Variants in SGSM1 observed in about 807,000 individuals in gnomAD.
SGSM1 encodes RUN and TBC1 domain containing 2.
In SGSM1, 73 loss-of-function variants were observed where a neutral mutation model predicts 133.8. The observed-to-expected ratio is 0.55, with a 90% confidence interval of 0.45 to 0.66. The LOEUF is 0.66. Among genes scored for constraint, SGSM1 ranks in the 30% least tolerant of loss-of-function variants. SGSM1 has a pLI of 0.00. For synonymous variants in SGSM1, 563 were observed against 573.0 expected (o/e 0.98, Z 0.25); for missense variants, 1,213 against 1,448.1 (o/e 0.84, Z 2.64).
At chr22:24,820,818 G>A (rs531630400) in intron 2 of SGSM1, among the ~76,000 whole-genome samples, 6 of 152,352 alleles carry the variant, frequency 3.9e-5, no homozygotes, top group Admixed American at 3.9e-4. Flanking sequence ...CAACAGGTGA[G>A]ATCCCTGCCT....
rs1930707871 is a variant in SGSM1, at chr22:24,855,369, G to A, written c.608G>A (p.Arg203Lys). The A allele has an allele frequency of 2.5e-6, 4 of 1,613,570 alleles. No individual in the cohort carries two copies. Among genetic ancestry groups the A allele is most frequent in the African/African-American group, 1.3e-5 (1 of 74,878 alleles). ...TDPSADELVQ[R>K]HRIHSSHVRQ... ...CCCTCGGCTGACGAACTTGTCCAGA[G>A]GCACCGCATCCACAGCTCCCACGTG... The change falls in exon 7 of 25, where the codon AGG becomes AAG. Residue 203 changes from arginine (R) to lysine (K), a missense_variant. Coordinates refer to ENST00000400358, the MANE Select transcript of SGSM1 (RefSeq NM_001098497.3).
Position 24,868,777 on chromosome 22 carries a change from A to G in SGSM1, c.1213A>G (p.Thr405Ala). 6.2e-7 allele frequency: 1 copy of G among 1,614,036 alleles called. No individual in the cohort carries two copies. Among genetic ancestry groups the G allele is most frequent in the African/African-American group, 1.3e-5 (1 of 75,056 alleles). ...KRSPQGSAES[T>A]SSDKDDDEAT... ...AAGCCCTCAGGGTTCTGCCGAGTCCACATCTTCAGACAAAGATGATGATGA... is the reference window on the plus strand; with the variant it reads ...AAGCCCTCAGGGTTCTGCCGAGTCCGCATCTTCAGACAAAGATGATGATGA... Residue 405 changes from threonine (T) to alanine (A), a missense_variant, in exon 12 of 25, where the codon ACA becomes GCA. By Grantham distance (58) the Thr-to-Ala change is moderately conservative. Coordinates refer to ENST00000400358, the MANE Select transcript of SGSM1 (RefSeq NM_001098497.3).
chr22:24,845,975 T>C lies in SGSM1; in HGVS notation c.139+1003T>C, dbSNP rs188305073. Among the ~76,000 whole-genome samples, 31 of 146,586 alleles carry C rather than the reference T, an allele frequency of 2.1e-4. 1 individual carries two copies. The highest frequency in any genetic ancestry group is 6.2e-4 in the Admixed American group (9 of 14,626). ...TTTCTTTCTTTCTTTCTTTCTTTCT[T>C]TCTTTCTTTCTTTCTTTCTTTCTTT... On this transcript the variant is annotated intron_variant, in intron 3 of 24. Transcript: ENST00000400358.
chr22:24,862,677 AAGG>A (rs1470961408), intron 9 of SGSM1, among the ~76,000 whole-genome samples: 2 of 152,196 alleles, frequency 1.3e-5, no homozygotes, highest in Non-Finnish European at 2.9e-5. Context: ...GATGCAAGGA[AAGG>A]AGGGGAAAAT....
chr22:24,865,894 CAGGAATGGGCGGCACTA>C lies in SGSM1; in HGVS notation c.927-1198_927-1182del, dbSNP rs1451509400. 2.0e-3 allele frequency among the ~76,000 whole-genome samples: 298 copies of C among 152,242 alleles called. 1 individual carries two copies. Among genetic ancestry groups the C allele is most frequent in the African/African-American group, 7.0e-3 (290 of 41,554 alleles). Reference sequence around the variant, plus strand: ...ACTGTTAGAGGAGTTCCTTGTCTTGCAGGAATGGGCGGCACTAGTACCCCGGCCTGCTAGGTCCTGGC... The same window carrying C: ...ACTGTTAGAGGAGTTCCTTGTCTTGCGTACCCCGGCCTGCTAGGTCCTGGC... On this transcript the variant is annotated intron_variant, in intron 9 of 24. Coordinates refer to ENST00000400358, the MANE Select transcript of SGSM1 (RefSeq NM_001098497.3).
intron 2 of SGSM1, among the ~76,000 whole-genome samples, chr22:24,842,168 C>G (rs2147829287): frequency 1.3e-5 from 2 of 152,278 alleles, no homozygotes; most frequent in African/African-American, 4.8e-5. Flanking sequence ...CTTAGAGGAG[C>G]AAAGGAAAGA....
intron 16 of SGSM1, among the ~76,000 whole-genome samples, chr22:24,887,182 C>T (rs778976809): frequency 2.3e-4 from 28 of 123,076 alleles, no homozygotes; most frequent in Non-Finnish European, 4.1e-4. Flanking sequence ...TCCATCACCA[C>T]GGCCAACATA....
At chr22:24,915,386 A>T (rs748059087) in intron 22 of SGSM1, among the ~76,000 whole-genome samples, 3 of 152,218 alleles carry the variant, frequency 2.0e-5, no homozygotes, top group Non-Finnish European at 4.4e-5. Context: ...ATCAGGCACA[A>T]CCGAATCACT....
At chr22:24,910,892 C>T (rs1933593083) in intron 21 of SGSM1, among the ~76,000 whole-genome samples, 1 of 152,048 alleles carries the variant, frequency 6.6e-6, no homozygotes, top group African/African-American at 2.4e-5. Context: ...TTGCAGTGAG[C>T]CAAGATCGTG....
chr22:24,846,418 G>A (rs143334110), intron 3 of SGSM1, among the ~76,000 whole-genome samples: 1,903 of 151,988 alleles, frequency 0.013, 117 homozygotes, highest in Admixed American at 0.11. Flanking sequence ...ACATATATAT[G>A]TATTCCCAGT....
chr22:24,911,783 G>T (rs183069332), intron 21 of SGSM1, among the ~76,000 whole-genome samples: 2 of 152,158 alleles, frequency 1.3e-5, no homozygotes, highest in South Asian at 4.1e-4. Flanking sequence ...CTCTAGGCGC[G>T]GTGGCTCACG....
chr22:24,835,041 C>T (rs139642), intron 2 of SGSM1, among the ~76,000 whole-genome samples: 27,700 of 152,118 alleles, frequency 0.18, 2,596 homozygotes, highest in Middle Eastern at 0.26. Context: ...ATTGCCTCCT[C>T]CCCCTCCTTT....
At chr22:24,845,041 C>A in intron 3 of SGSM1, 69 bp downstream of exon 3, 1 of 1,497,590 alleles carries the variant, frequency 6.7e-7, no homozygotes, top group Non-Finnish European at 9.2e-7. Flanking sequence ...TGTCTTGGAG[C>A]CACTGTTTTG....
intron 2 of SGSM1, among the ~76,000 whole-genome samples, chr22:24,809,802 T>A (rs549968138): frequency 4.9e-4 from 74 of 152,212 alleles, no homozygotes; most frequent in Admixed American, 4.8e-3. Flanking sequence ...CAAGGATAAT[T>A]ACAGGCTGTG....
chr22:24,884,008 G>A, intron 14 of SGSM1, 45 bp from the exon 15 acceptor site: 1 of 1,542,710 alleles, frequency 6.5e-7, no homozygotes, highest in Non-Finnish European at 8.8e-7. Context: ...AAGGTGAGGG[G>A]CTTCAGGTGG....
chr22:24,923,106 C>T (rs1221110743), intron 24 of SGSM1, among the ~76,000 whole-genome samples: 1 of 152,042 alleles, frequency 6.6e-6, no homozygotes, highest in Non-Finnish European at 1.5e-5. Flanking sequence ...CCACACCACA[C>T]TCCACCCTGG....
intron 14 of SGSM1, among the ~76,000 whole-genome samples, chr22:24,881,743 T>C (rs1569161124): frequency 6.6e-6 from 1 of 152,198 alleles, no homozygotes; most frequent in Non-Finnish European, 1.5e-5. Flanking sequence ...ACTGTCTCTT[T>C]TGTTAAAGTT....
At chr22:24,830,112 C>G (rs1270599737) in intron 2 of SGSM1, among the ~76,000 whole-genome samples, 4 of 152,286 alleles carry the variant, frequency 2.6e-5, no homozygotes, top group South Asian at 2.1e-4. Context: ...CTGCAGTGTT[C>G]AAGGGTAATA....
intron 16 of SGSM1, among the ~76,000 whole-genome samples, chr22:24,889,890 A>G (rs973565010): frequency 2.2e-5 from 3 of 135,070 alleles, no homozygotes; most frequent in Non-Finnish European, 4.6e-5. Flanking sequence ...ACCTCAAGTG[A>G]TCCACCCACT....
Sources: gnomAD v4.1 joint callset for allele counts (sites outside exome capture counted in the v4.1 genomes callset) on GRCh38, gnomAD v4.1.1 for gene constraint, MANE v1.5 for transcripts, NCBI Gene and HGNC (gene_info 2026-07-23, HGNC 2026-07-21) for gene names.